The following ACOT12 variants were observed in gnomAD, a reference collection of about 807,000 sequenced individuals.
The protein encoded by ACOT12 is acetyl-coenzyme A thioesterase.
A neutral mutation model predicts 67.7 loss-of-function variants in ACOT12; 51 were observed. The observed-to-expected ratio is 0.75, with a 90% CI of 0.60 to 0.95. The LOEUF (loss-of-function observed/expected upper bound fraction) is 0.95, where lower values mean the gene tolerates loss of function less well. Ranked by LOEUF, ACOT12 falls within the 40% of genes least tolerant of loss-of-function variation. The pLI is 0.00. For synonymous variants in ACOT12, 251 were observed against 244.6 expected, an observed-to-expected ratio of 1.03 and a Z score of -0.24; for missense variants, 734 against 708.1, an observed-to-expected ratio of 1.04 and a Z score of -0.41.
At chr5:81,339,317 C>G (rs1048854869) in intron 11 of ACOT12, among the ~76,000 whole-genome samples, 1 of 152,184 alleles carries the variant, frequency 6.6e-6, no homozygotes, top group Non-Finnish European at 1.5e-5. Flanking sequence ...ATGAGAATAG[C>G]TCCCCTCTGG....
Position 81,344,916 on chromosome 5 carries a change from A to G in ACOT12, c.899T>C (p.Phe300Ser). ...CTTTGAAATGGGTTGGATTCTGGGAAACGTGATGAGATTTTCCTTATCATC... is the reference window on the plus strand; with the variant it reads ...CTTTGAAATGGGTTGGATTCTGGGAGACGTGATGAGATTTTCCTTATCATC... Reference protein sequence around the residue: ...AADDKENLITFPRIQPISKDD... With the variant: ...AADDKENLITSPRIQPISKDD... The change falls in exon 8 of 15, where the codon TTT (phenylalanine) becomes TCT (serine). Residue 300 changes from phenylalanine (F) to serine (S), a missense_variant. Coordinates refer to ENST00000307624, the MANE Select transcript of ACOT12 (RefSeq NM_130767.3). The G allele has an allele frequency of 6.2e-7, 1 of 1,614,190 alleles. No individual in the cohort carries two copies. The highest frequency in any genetic ancestry group is 8.5e-7 in the Non-Finnish European group (1 of 1,180,012).
chr5:81,378,737 C>T (rs1341255043), intron 2 of ACOT12, among the ~76,000 whole-genome samples: 1 of 152,180 alleles, frequency 6.6e-6, no homozygotes, highest in East Asian at 1.9e-4. Flanking sequence ...AAAAAAAGCT[C>T]ATCATCACTG....
the ACOT12 span, among the ~76,000 whole-genome samples, chr5:81,310,477 G>GA: frequency 3.8e-4 from 55 of 145,902 alleles, no homozygotes; most frequent in Non-Finnish European, 7.3e-4. Context: ...AGATTTGGGG[G>GA]AAAAAAAAAA....
chr5:81,314,693 C>T, the ACOT12 span, among the ~76,000 whole-genome samples: 1 of 152,188 alleles, frequency 6.6e-6, no homozygotes. Flanking sequence ...TTGTGGCAGT[C>T]AGCAAGACAG....
At chr5:81,337,998 C>T (rs1159158769) in intron 11 of ACOT12, among the ~76,000 whole-genome samples, 1 of 152,108 alleles carries the variant, frequency 6.6e-6, no homozygotes, top group Admixed American at 6.6e-5. Context: ...TGAGCAAATT[C>T]GATTTTGATC....
rs538461814 is a variant in ACOT12 at position 81,353,236 on chromosome 5, T to A, written c.497-5306A>T. 3.0e-4 allele frequency among the ~76,000 whole-genome samples: 45 copies of A among 152,308 alleles called. 1 individual carries two copies. Among genetic ancestry groups the A allele is most frequent in the Admixed American group, 1.3e-4 (2 of 15,300 alleles). Reference sequence around the variant, plus strand: ...CTATGATACGTATGCAGAAATATATTGAGTTAGATGACTTTGGTGCAGAAG... The same window carrying A: ...CTATGATACGTATGCAGAAATATATAGAGTTAGATGACTTTGGTGCAGAAG... On this transcript the variant is annotated intron_variant, in intron 5 of 14. Transcript: ENST00000307624.
rs750446533 is a variant in ACOT12, at chr5:81,371,816, G to A, written c.198-6C>T. On this transcript the variant is annotated splice_polypyrimidine_tract_variant and splice_region_variant and intron_variant, in intron 2 of 14. Coordinates refer to ENST00000307624, the MANE Select transcript of ACOT12 (RefSeq NM_130767.3). ...TGGTTATAACTTGTCCAACTCTAGGGAAAAACAAACAAAAAAACCTCAGTA... is the reference window on the plus strand; with the variant it reads ...TGGTTATAACTTGTCCAACTCTAGGAAAAAACAAACAAAAAAACCTCAGTA... 7 of 1,613,358 alleles carry A rather than the reference G, an allele frequency of 4.3e-6. No homozygotes were observed. The highest frequency in any genetic ancestry group is 5.1e-6 in the Non-Finnish European group (6 of 1,179,670).
chr5:81,310,856 T>C, the ACOT12 span, among the ~76,000 whole-genome samples: 1 of 152,226 alleles, frequency 6.6e-6, no homozygotes, highest in Non-Finnish European at 1.5e-5. Flanking sequence ...TCTGCTTACA[T>C]CTTTTGTTTA....
the ACOT12 span, chr5:81,308,611 C>T: frequency 0.19 from 307,552 of 1,612,300 alleles, 31,343 homozygotes; most frequent in Admixed American, 0.32. Flanking sequence ...ATTGCCCCGC[C>T]GCCCTTGAAA....
chr5:81,317,372 G>A, the ACOT12 span, among the ~76,000 whole-genome samples: 1 of 151,958 alleles, frequency 6.6e-6, no homozygotes, highest in African/African-American at 2.4e-5. Context: ...CGCAGTGGTG[G>A]GCACATGTAA....
chr5:81,362,061 A>G (rs1759926285), intron 4 of ACOT12, among the ~76,000 whole-genome samples: 1 of 152,132 alleles, frequency 6.6e-6, no homozygotes, highest in Non-Finnish European at 1.5e-5. Flanking sequence ...GGTTATCTGA[A>G]CCAACCAATT....
chr5:81,333,336 C>A (rs1244143024), intron 12 of ACOT12, among the ~76,000 whole-genome samples: 1 of 152,184 alleles, frequency 6.6e-6, no homozygotes, highest in African/African-American at 2.4e-5. Flanking sequence ...ACCGCACTAG[C>A]TTTGGAGTCA....
chr5:81,308,773 G>A, the ACOT12 span: 12 of 1,551,076 alleles, frequency 7.7e-6, no homozygotes, highest in Non-Finnish European at 1.0e-5. Flanking sequence ...AGCACCTTGG[G>A]TATTTTTTTA....
chr5:81,362,616 C>A (rs983090615), intron 4 of ACOT12, among the ~76,000 whole-genome samples: 1 of 152,134 alleles, frequency 6.6e-6, no homozygotes. Context: ...GATACGGGCA[C>A]CTGCACCCAT....
chr5:81,336,943 C>T (rs1279343715), intron 11 of ACOT12, among the ~76,000 whole-genome samples: 1 of 152,184 alleles, frequency 6.6e-6, no homozygotes, highest in Non-Finnish European at 1.5e-5. Context: ...ACCATTTAAC[C>T]TCTCCAATTG....
the ACOT12 span, among the ~76,000 whole-genome samples, chr5:81,323,229 C>T: frequency 6.6e-6 from 1 of 152,062 alleles, no homozygotes; most frequent in Non-Finnish European, 1.5e-5. Context: ...CACAAAATTT[C>T]AGAAGTATAC....
At chr5:81,360,143 T>A in intron 4 of ACOT12, 105 bp from the exon 5 acceptor site, 1 of 1,160,314 alleles carries the variant, frequency 8.6e-7, no homozygotes, top group Non-Finnish European at 1.2e-6. Flanking sequence ...CTAACTCAAG[T>A]AAATAGAGCT....
At chr5:81,354,292 C>T (rs1053043609) in intron 5 of ACOT12, among the ~76,000 whole-genome samples, 1 of 152,168 alleles carries the variant, frequency 6.6e-6, no homozygotes, top group African/African-American at 2.4e-5. Flanking sequence ...AAACTCAAGT[C>T]AATTGCAATC....
intron 11 of ACOT12, among the ~76,000 whole-genome samples, chr5:81,339,750 C>T (rs147270680): frequency 8.5e-5 from 13 of 152,308 alleles, no homozygotes; most frequent in African/African-American, 2.6e-4. Flanking sequence ...ACATTTTGCT[C>T]CTTGTATTAC....
Sources: allele counts gnomAD v4.1 joint callset (sites outside exome capture counted in the v4.1 genomes callset), GRCh38; gene constraint gnomAD v4.1.1; transcripts MANE v1.5; gene names NCBI Gene and HGNC (gene_info 2026-07-23, HGNC 2026-07-21).